MAPK14: variants seen among roughly 807,000 people sequenced by gnomAD.
MAPK14 encodes CSAID-binding protein.
MAPK14 carries 16 observed loss-of-function variants against 49.6 expected under a neutral mutation model. The observed-to-expected ratio is 0.32, with a 90% CI of 0.22 to 0.49. The LOEUF (loss-of-function observed/expected upper bound fraction) is 0.49, where lower values mean the gene tolerates loss of function less well. MAPK14 is among the 20% of genes least tolerant of loss of function. The pLI is 0.99. For missense variants in MAPK14, 200 were observed against 441.2 expected, an observed-to-expected ratio of 0.45 and a Z score of 4.90; for synonymous variants, 142 against 158.0, an observed-to-expected ratio of 0.90 and a Z score of 0.76.
intron 1 of MAPK14, among the ~76,000 whole-genome samples, chr6:36,048,899 G>C (rs566677757): frequency 2.6e-5 from 4 of 152,160 alleles, no homozygotes; most frequent in Non-Finnish European, 5.9e-5. Flanking sequence ...GCATAGATGA[G>C]ATTATCTAGA....
At chr6:36,093,469 C>T (rs1022284308) in intron 8 of MAPK14, among the ~76,000 whole-genome samples, 1 of 152,114 alleles carries the variant, frequency 6.6e-6, no homozygotes, top group Admixed American at 6.5e-5. Flanking sequence ...CCTGTAATCC[C>T]AGCCCTTTGG....
downstream of MAPK14, among the ~76,000 whole-genome samples, chr6:36,115,316 TAAC>T (rs1766041801): frequency 6.6e-6 from 1 of 152,200 alleles, no homozygotes; most frequent in East Asian, 1.9e-4. Context: ...CCTAGATTCT[TAAC>T]AAAAACCAGT....
chr6:36,058,770 C>T (rs947809138), intron 2 of MAPK14, among the ~76,000 whole-genome samples: 5 of 151,934 alleles, frequency 3.3e-5, no homozygotes, highest in Admixed American at 6.6e-5. Context: ...GGTGGTGGCA[C>T]GTGCTTATAG....
At chr6:36,121,725 A>G in the MAPK14 span, among the ~76,000 whole-genome samples, 1 of 152,056 alleles carries the variant, frequency 6.6e-6, no homozygotes, top group African/African-American at 2.4e-5. Flanking sequence ...TTTCTTACAA[A>G]AGATTGGCCT....
At chr6:36,073,140 C>A in intron 4 of MAPK14, 156 bp downstream of exon 4, 1 of 631,798 alleles carries the variant, frequency 1.6e-6, no homozygotes, top group Non-Finnish European at 2.8e-6. Flanking sequence ...CTGCCATGTT[C>A]ACTCAGTGAC....
At chr6:36,044,672 C>T (rs536952483) in intron 1 of MAPK14, among the ~76,000 whole-genome samples, 118 of 150,836 alleles carry the variant, frequency 7.8e-4, no homozygotes, top group African/African-American at 2.8e-3. Context: ...GCCAGGAGTT[C>T]GAGACCAGCC....
intron 8 of MAPK14, among the ~76,000 whole-genome samples, chr6:36,090,528 T>TC (rs1356790001): frequency 5.6e-4 from 51 of 90,994 alleles, no homozygotes; most frequent in African/African-American, 3.0e-3. Flanking sequence ...CCTCTCTCTC[T>TC]TTTTTTTTTT....
chr6:36,059,676 T>C (rs1408643505), intron 3 of MAPK14, among the ~76,000 whole-genome samples: 1 of 152,044 alleles, frequency 6.6e-6, no homozygotes, highest in African/African-American at 2.4e-5. Flanking sequence ...GTTGTTGTTG[T>C]TGTTGTTGTT....
chr6:36,092,301 T>C, intron 8 of MAPK14: 1 of 593,990 alleles, frequency 1.7e-6, no homozygotes, highest in East Asian at 4.4e-5. Context: ...TGTAGCCAGT[T>C]TCTTCCTCAA....
intron 2 of MAPK14, among the ~76,000 whole-genome samples, chr6:36,053,882 C>T (rs1763492007): frequency 6.6e-6 from 1 of 152,180 alleles, no homozygotes; most frequent in Non-Finnish European, 1.5e-5. Flanking sequence ...ATTATAATCA[C>T]AGCTGCTGCT....
intron 8 of MAPK14, among the ~76,000 whole-genome samples, chr6:36,091,444 C>T (rs1765224567): frequency 6.6e-6 from 1 of 152,126 alleles, no homozygotes; most frequent in African/African-American, 2.4e-5. Flanking sequence ...AAAATATTTT[C>T]TACCTAAGAG....
chr6:36,112,445 G>A (rs1765991446), downstream of MAPK14, among the ~76,000 whole-genome samples: 2 of 152,118 alleles, frequency 1.3e-5, no homozygotes, highest in South Asian at 4.1e-4. Context: ...CATGAAAATG[G>A]AACAAAATGA....
intron 1 of MAPK14, among the ~76,000 whole-genome samples, chr6:36,049,026 T>C (rs1313110486): frequency 6.6e-6 from 1 of 152,034 alleles, no homozygotes; most frequent in African/African-American, 2.4e-5. Context: ...GCCAGAGGGG[T>C]CATAGAAAAC....
intron 9 of MAPK14, among the ~76,000 whole-genome samples, chr6:36,101,678 T>C (rs1285198252): frequency 6.6e-6 from 1 of 151,982 alleles, no homozygotes; most frequent in African/African-American, 2.4e-5. Flanking sequence ...CACACCTGGC[T>C]AATTTTTTGT....
chr6:36,101,567 C>A (rs1337013682), intron 9 of MAPK14, among the ~76,000 whole-genome samples: 6 of 151,962 alleles, frequency 3.9e-5, no homozygotes, highest in Non-Finnish European at 8.8e-5. Flanking sequence ...CTCACTGGAA[C>A]CTCCACCTCC....
downstream of MAPK14, among the ~76,000 whole-genome samples, chr6:36,112,114 G>A (rs1765984983): frequency 6.6e-6 from 1 of 152,086 alleles, no homozygotes; most frequent in Non-Finnish European, 1.5e-5. Flanking sequence ...GCTGAGGCGG[G>A]AGAATGGTAT....
chr6:36,116,251 C>A, the MAPK14 span, among the ~76,000 whole-genome samples: 1 of 152,058 alleles, frequency 6.6e-6, no homozygotes, highest in Non-Finnish European at 1.5e-5. Context: ...CTTGACAACT[C>A]AGATACCATG....
At position 36,109,938 on chromosome 6, in the gene MAPK14, T is replaced by C. The variant is rs1765916411; in HGVS notation, c.*1491T>C. ...ACTTCTTGGTTTGGGGAGAAATAAA[T>C]TTTGTTTCAGAATTTTGTATATTGT... is the stretch of plus-strand genomic sequence containing the variant. On this transcript the variant is annotated 3_prime_UTR_variant, in exon 12 of 12. Coordinates refer to ENST00000229794, the MANE Select transcript of MAPK14 (RefSeq NM_139012.3). The C allele has an allele frequency of 6.6e-6, 1 of 152,640 alleles. No homozygotes were observed. Among genetic ancestry groups the C allele is most frequent in the Non-Finnish European group, 1.5e-5 (1 of 68,028 alleles). The allele number at this position is 152,640 out of a possible 1,614,324, so 9.5% of individuals were successfully genotyped here.
intron 8 of MAPK14, among the ~76,000 whole-genome samples, chr6:36,083,754 A>G (rs1381717886): frequency 6.6e-6 from 1 of 152,216 alleles, no homozygotes; most frequent in Non-Finnish European, 1.5e-5. Flanking sequence ...TCCACAGATC[A>G]GCAGAGTTAG....
Sources: gnomAD v4.1 joint callset for allele counts (sites outside exome capture counted in the v4.1 genomes callset) on GRCh38, gnomAD v4.1.1 for gene constraint, MANE v1.5 for transcripts, NCBI Gene and HGNC (gene_info 2026-07-23, HGNC 2026-07-21) for gene names.